EIF5B: variants seen among roughly 807,000 people sequenced by gnomAD.
The protein encoded by EIF5B is eIF-5B.
In EIF5B, 47 loss-of-function variants were observed where a neutral mutation model predicts 147.5. The observed-to-expected ratio is 0.32, with a 90% CI of 0.25 to 0.41. EIF5B has a LOEUF of 0.41. Among genes scored for constraint, EIF5B ranks in the 10% least tolerant of loss-of-function variants. EIF5B has a pLI of 1.00. For missense variants in EIF5B, 1,064 were observed against 1,413.2 expected (o/e 0.75, Z 3.96); for synonymous variants, 455 against 456.2 (o/e 1.00, Z 0.03).
Position 99,398,761 on chromosome 2 carries a change from G to T in EIF5B, c.3407G>T (p.Gly1136Val). The T allele has an allele frequency of 6.2e-7, 1 of 1,610,962 alleles. No individual in the cohort carries two copies. Among genetic ancestry groups the T allele is most frequent in the South Asian group, 1.1e-5 (1 of 90,100 alleles). ...CTTATTTTATAGTTTGTTGACATCG[G>T]AATAGTAACAAGTATTGAAATAAAC... ...CVPSKNFVDI[G>V]IVTSIEINHK... The change falls in exon 23 of 24, where the codon GGA becomes GTA. Residue 1136 changes from glycine to valine, a missense_variant. Transcript: ENST00000289371.
intron 22 of EIF5B, 68 bp downstream of exon 22, chr2:99,396,966 C>A: frequency 6.6e-7 from 1 of 1,522,018 alleles, no homozygotes; most frequent in South Asian, 1.3e-5. Context: ...AGAGTCGTAC[C>A]AACACAGCTT....
chr2:99,348,526 C>T (rs964456317), intron 1 of EIF5B, among the ~76,000 whole-genome samples: 2 of 152,136 alleles, frequency 1.3e-5, no homozygotes. Flanking sequence ...AATGAGATGT[C>T]AGAAGGTAAC....
intron 1 of EIF5B, among the ~76,000 whole-genome samples, chr2:99,359,003 A>G (rs1674148830): frequency 6.6e-6 from 1 of 152,072 alleles, no homozygotes; most frequent in Non-Finnish European, 1.5e-5. Context: ...TATATCCTCA[A>G]TGTCTTGTCA....
At chr2:99,347,045 G>A (rs1413426864) in intron 1 of EIF5B, among the ~76,000 whole-genome samples, 1 of 151,736 alleles carries the variant, frequency 6.6e-6, no homozygotes, top group African/African-American at 2.4e-5. Flanking sequence ...CCACCCTGTC[G>A]CCCAGGCTGG....
In EIF5B at chr2:99,369,430, A is replaced by G; in HGVS notation, c.1426A>G (p.Met476Val). The G allele has an allele frequency of 1.9e-6, 3 of 1,611,666 alleles. No individual in the cohort carries two copies. The highest frequency in any genetic ancestry group is 2.2e-5 in the South Asian group (2 of 90,998). ...SMELCAAVEV[M>V]EQGVPEKEET... The stretch of plus-strand genomic sequence containing the variant: ...GGAATTATGTGCTGCTGTAGAAGTT[A>G]TGGAACAAGGAGTACCAGAAAAGGA... Residue 476 changes from methionine to valine, a missense_variant, in exon 8 of 24, where the codon ATG becomes GTG. Met to Val is a conservative substitution (Grantham distance 21, BLOSUM62 1). This residue lies in a region of EIF5B where 195 missense variants were observed against 186.3 expected (regional missense o/e 1.05). Coordinates refer to ENST00000289371, the MANE Select transcript of EIF5B (RefSeq NM_015904.4).
At chr2:99,344,578 A>G (rs2094268448) in intron 1 of EIF5B, among the ~76,000 whole-genome samples, 1 of 152,078 alleles carries the variant, frequency 6.6e-6, no homozygotes, top group Middle Eastern at 3.4e-3. Context: ...CTGGGATTTT[A>G]GGTGTGCGCC....
chr2:99,363,535 G>T, intron 4 of EIF5B, 110 bp from the exon 5 acceptor site: 1 of 1,062,332 alleles, frequency 9.4e-7, no homozygotes, highest in Non-Finnish European at 1.4e-6. Context: ...CCTGCTGCTG[G>T]CATCGGCCTT....
chr2:99,356,334 C>T (rs1432735129), intron 1 of EIF5B, among the ~76,000 whole-genome samples: 1 of 152,128 alleles, frequency 6.6e-6, no homozygotes, highest in East Asian at 1.9e-4. Context: ...TCACTGTACA[C>T]AGCTCATAGT....
chr2:99,356,590 G>A (rs1674100986), intron 1 of EIF5B, among the ~76,000 whole-genome samples: 1 of 152,160 alleles, frequency 6.6e-6, no homozygotes, highest in Admixed American at 6.5e-5. Context: ...GTTGGCTCAT[G>A]TGTCCCTTTG....
At chr2:99,376,295 T>G in intron 9 of EIF5B, 52 bp from the exon 10 acceptor site, 1 of 1,187,020 alleles carries the variant, frequency 8.4e-7, no homozygotes, top group South Asian at 1.8e-5. Context: ...TATCTTGATA[T>G]AAATCTATCA....
chr2:99,391,985 A>G (rs1674947187), intron 17 of EIF5B, among the ~76,000 whole-genome samples: 1 of 151,572 alleles, frequency 6.6e-6, no homozygotes, highest in Non-Finnish European at 1.5e-5. Flanking sequence ...GATCTCCCCA[A>G]AGTGCTGGGA....
In EIF5B at chr2:99,379,021, A is replaced by T; in HGVS notation, c.1845A>T (p.Lys615Asn). ...AYDKAKRRIE[K>N]RRLEHSKNVN... ...TTTTTTTTTTTTTTTATTTCTAGAA[A>T]CGGCGACTTGAACATAGTAAAAATG... The change falls in exon 11 of 24, where the codon AAA becomes AAT. Residue 615 changes from lysine to asparagine, a missense_variant and splice_region_variant. By Grantham distance (94) the Lys-to-Asn change is moderately conservative. This residue lies in a region of EIF5B where 195 missense variants were observed against 186.3 expected (regional missense o/e 1.05). Coordinates refer to ENST00000289371, the MANE Select transcript of EIF5B (RefSeq NM_015904.4). The T allele has an allele frequency of 6.6e-7, 1 of 1,519,460 alleles. No homozygotes were observed. The highest frequency in any genetic ancestry group is 1.4e-5 in the African/African-American group (1 of 70,896). 94.1% of individuals were successfully genotyped at this position (1,519,460 alleles called of 1,614,324 possible). A position where few individuals can be genotyped will look rare whatever the true frequency, so the allele number is the denominator to read the frequency against.
intron 12 of EIF5B, among the ~76,000 whole-genome samples, chr2:99,379,692 A>G (rs1674649926): frequency 6.6e-6 from 1 of 152,120 alleles, no homozygotes; most frequent in Non-Finnish European, 1.5e-5. Context: ...ATTTGCCTCC[A>G]TGCTTTAACA....
At chr2:99,376,695 A>T in intron 10 of EIF5B, 59 bp downstream of exon 10, 1 of 1,520,652 alleles carries the variant, frequency 6.6e-7, no homozygotes, top group East Asian at 2.3e-5. Flanking sequence ...TGATTAAAAC[A>T]GTACTCTACA....
chr2:99,382,691 G>C lies in EIF5B; in HGVS notation c.2130-89G>C, dbSNP rs1191640045. The C allele has an allele frequency of 6.2e-6, 8 of 1,286,562 alleles. No homozygotes were observed. The Admixed American group carries it at 2.3e-4, about 37-fold the overall frequency. 79.7% of individuals were successfully genotyped at this position (1,286,562 alleles called of 1,614,324 possible). ...CAATTTAATACATATACTCTATTTT[G>C]TTTGGGTTTTACAGAGAAGTTTAAA... On this transcript the variant is annotated intron_variant, in intron 13 of 23. Coordinates refer to ENST00000289371, the MANE Select transcript of EIF5B (RefSeq NM_015904.4).
At chr2:99,338,293 T>A in intron 1 of EIF5B, 1 of 1,287,082 alleles carries the variant, frequency 7.8e-7, no homozygotes, top group Non-Finnish European at 1.0e-6. Flanking sequence ...GGAGGGAGGA[T>A]AAGGGTATAT....
Position 99,371,874 on chromosome 2 carries a change from A to G in EIF5B, c.1552+144A>G, listed in dbSNP as rs1674458274. On this transcript the variant is annotated intron_variant, in intron 9 of 23. Coordinates refer to ENST00000289371, the MANE Select transcript of EIF5B (RefSeq NM_015904.4). ...TAAGTCTCTTGTTCTCTCCTTTGCC[A>G]TGGTTTCTAAGTCCTCAAGTGGATC... The G allele has an allele frequency of 1.5e-5, 10 of 661,464 alleles. No individual in the cohort carries two copies. In the South Asian group the frequency reaches 4.8e-4, roughly 32 times the overall value. The allele number at this position is 661,464 out of a possible 1,614,324, so 41.0% of individuals were successfully genotyped here.
At chr2:99,364,442 A>T in intron 6 of EIF5B, 21 bp downstream of exon 6, 1 of 1,564,734 alleles carries the variant, frequency 6.4e-7, no homozygotes, top group Non-Finnish European at 8.6e-7. Context: ...CTCTTCATTA[A>T]CTGAATGGTC....
At position 99,355,491 on chromosome 2, in the gene EIF5B, A is replaced by ATTTT. The variant is rs1167380271; in HGVS notation, c.36-4744_36-4743insTTTT. On this transcript the variant is annotated intron_variant, in intron 1 of 23. Coordinates refer to ENST00000289371, the MANE Select transcript of EIF5B (RefSeq NM_015904.4). Reference sequence around the variant, plus strand: ...ATAAGCATTTTGTAATTTTCCACATATAAGTACTTTACATATTTTGTTAGA... The same window carrying ATTTT: ...ATAAGCATTTTGTAATTTTCCACATATTTTTAAGTACTTTACATATTTTGTTAGA... Among the ~76,000 whole-genome samples the ATTTT allele has an allele frequency of 2.2e-3, 336 of 151,968 alleles. 10 individuals carry two copies. In the East Asian group the frequency reaches 0.058, roughly 26 times the overall value.
Sources: gnomAD v4.1 joint callset for allele counts (sites outside exome capture counted in the v4.1 genomes callset) on GRCh38, gnomAD v4.1.1 for gene constraint, gnomAD v4.1.1 regional missense constraint, MANE v1.5 for transcripts, NCBI Gene and HGNC (gene_info 2026-07-23, HGNC 2026-07-21) for gene names.